Variants in TUSC3 observed in about 807,000 individuals in gnomAD.
TUSC3 encodes the protein dolichyl-diphosphooligosaccharide--protein glycosyltransferase subunit TUSC3.
A neutral mutation model predicts 44.8 loss-of-function variants in TUSC3; 45 were observed. The ratio of observed to expected loss-of-function variants is 1.00; its 90% CI spans 0.79 to 1.29. The LOEUF (loss-of-function observed/expected upper bound fraction) is 1.29, where lower values mean the gene tolerates loss of function less well. Ranked by LOEUF, TUSC3 falls within the 50% of genes most tolerant of loss-of-function variation. TUSC3 has a pLI of 0.00. For missense variants in TUSC3, 519 were observed against 437.9 expected (o/e 1.19, Z -1.65); for synonymous variants, 212 against 152.9 (o/e 1.39, Z -2.85).
intron 2 of TUSC3, among the ~76,000 whole-genome samples, chr8:15,502,847 A>G (rs1042508654): frequency 6.6e-6 from 1 of 152,200 alleles, no homozygotes; most frequent in Non-Finnish European, 1.5e-5. Context: ...GCAGAAGCTC[A>G]TCTTTGAGTG....
intron 1 of TUSC3, among the ~76,000 whole-genome samples, chr8:15,468,147 A>G (rs769935722): frequency 2.0e-5 from 3 of 152,202 alleles, no homozygotes; most frequent in Non-Finnish European, 2.9e-5. Flanking sequence ...ATTGAAGAGT[A>G]TCATATAATT....
In TUSC3 at chr8:15,442,140, AT is replaced by A. The variant is rs901511497; in HGVS notation, n.91+24843del. Among the ~76,000 whole-genome samples, 8 of 151,830 alleles carry A rather than the reference AT, an allele frequency of 5.3e-5. No individual in the cohort carries two copies. The East Asian group carries it at 7.7e-4, about 15-fold the overall frequency. On this transcript the variant is annotated intron_variant and non_coding_transcript_variant, in intron 1 of 5. Transcript: ENST00000503191. The stretch of plus-strand genomic sequence containing the variant: ...GTTTAACTCTTTTATGGATTTAGGG[AT>A]TTTTTTTCTTCATTCTTATTACTTC...
chr8:15,481,002 C>A (rs747308067), intron 1 of TUSC3, among the ~76,000 whole-genome samples: 1 of 152,220 alleles, frequency 6.6e-6, no homozygotes, highest in East Asian at 1.9e-4. Context: ...AATTCCAGCA[C>A]TTTGGGAGGC....
chr8:15,528,706 C>G lies in TUSC3; in HGVS notation n.189+45223C>G, dbSNP rs575181672. On this transcript the variant is annotated intron_variant and non_coding_transcript_variant, in intron 2 of 5. Coordinates refer to the TUSC3 transcript ENST00000503191. The stretch of plus-strand genomic sequence containing the variant: ...ATACTCCCTGCATACTCCTGTGACC[C>G]TCTTGGATTCTTTCTTTAATTTTTT... Among the ~76,000 whole-genome samples, 4 of 152,310 alleles carry G rather than the reference C, an allele frequency of 2.6e-5. No homozygotes were observed. The South Asian group carries it at 8.3e-4, about 32-fold the overall frequency.
At chr8:15,462,684 T>A (rs75523197) in intron 1 of TUSC3, among the ~76,000 whole-genome samples, 3,864 of 152,224 alleles carry the variant, frequency 0.025, 171 homozygotes, top group African/African-American at 0.086. Flanking sequence ...ATTCTTAAAA[T>A]TTAGTCTATT....
chr8:15,719,287 A>G (rs533116370), intron 6 of TUSC3, among the ~76,000 whole-genome samples: 1 of 151,708 alleles, frequency 6.6e-6, no homozygotes, highest in East Asian at 1.9e-4. Flanking sequence ...CATCTCTCTT[A>G]TATGTGCTTC....
chr8:15,825,885 C>CTT, the TUSC3 span, among the ~76,000 whole-genome samples: 3 of 120,388 alleles, frequency 2.5e-5, no homozygotes, highest in East Asian at 2.4e-4. Context: ...ACAGTTGTTT[C>CTT]TTTTTTTTTT....
rs1802486344 is a variant in TUSC3, at chr8:15,561,888, T to A, written c.138+21320T>A. On this transcript the variant is annotated intron_variant, in intron 1 of 10. Coordinates refer to ENST00000503731, the MANE Select transcript of TUSC3 (RefSeq NM_006765.4). ...TGGCGCACGGTGTGCGCACCCACTC[T>A]CCTGCACCCACTGTCTGGCACTCCC... Among the ~76,000 whole-genome samples the A allele has an allele frequency of 4.6e-5, 7 of 152,248 alleles. 1 individual carries two copies. The South Asian group carries it at 8.3e-4, about 18-fold the overall frequency.
At chr8:15,841,104 G>C in the TUSC3 span, among the ~76,000 whole-genome samples, 1 of 152,020 alleles carries the variant, frequency 6.6e-6, no homozygotes, top group African/African-American at 2.4e-5. Flanking sequence ...AATTATCACA[G>C]CCACGTAGCC....
Position 15,688,430 on chromosome 8 carries a change from CT to C in TUSC3, c.798+14611del, listed in dbSNP as rs11383982. ...ATTCAAAAACTAACACTTCAGTATTCTTTTTTTTTTTTTTTTTAACTTTTAG... is the reference window on the plus strand; with the variant it reads ...ATTCAAAAACTAACACTTCAGTATTCTTTTTTTTTTTTTTTTAACTTTTAG... On this transcript the variant is annotated intron_variant, in intron 6 of 10. Transcript: ENST00000503731. Among the ~76,000 whole-genome samples the C allele has an allele frequency of 2.6e-3, 370 of 141,250 alleles. 1 individual carries two copies. Among genetic ancestry groups the C allele is most frequent in the African/African-American group, 5.5e-3 (207 of 37,902 alleles). 92.7% of individuals were successfully genotyped at this position (141,250 alleles called of 152,430 possible).
upstream of TUSC3, among the ~76,000 whole-genome samples, chr8:15,538,778 G>C (rs1354780265): frequency 6.6e-6 from 1 of 151,968 alleles, no homozygotes; most frequent in Non-Finnish European, 1.5e-5. Flanking sequence ...TTCATACTCA[G>C]TAAGTTGTTG....
At chr8:15,576,372 C>T (rs1803115175) in intron 1 of TUSC3, among the ~76,000 whole-genome samples, 1 of 145,678 alleles carries the variant, frequency 6.9e-6, no homozygotes, top group African/African-American at 2.5e-5. Flanking sequence ...AGGTTAGTTA[C>T]ATATGTATAC....
At chr8:15,674,394 A>G (rs1424670547) in intron 6 of TUSC3, among the ~76,000 whole-genome samples, 1 of 152,082 alleles carries the variant, frequency 6.6e-6, no homozygotes, top group Non-Finnish European at 1.5e-5. Context: ...TGAATAGGAA[A>G]TACTGTGATA....
intron 1 of TUSC3, among the ~76,000 whole-genome samples, chr8:15,591,792 G>C (rs1438216863): frequency 6.6e-6 from 1 of 152,158 alleles, no homozygotes; most frequent in East Asian, 1.9e-4. Context: ...GATTGGAGTG[G>C]TAGGCAGAGG....
chr8:15,547,729 C>T (rs983674561), intron 1 of TUSC3, among the ~76,000 whole-genome samples: 1 of 151,278 alleles, frequency 6.6e-6, no homozygotes, highest in East Asian at 2.0e-4. Context: ...TAGATTAGTG[C>T]CCTTATAAAT....
chr8:15,444,166 C>T (rs909516400), intron 1 of TUSC3, among the ~76,000 whole-genome samples: 1 of 152,150 alleles, frequency 6.6e-6, no homozygotes, highest in African/African-American at 2.4e-5. Flanking sequence ...TAAAGTACTC[C>T]AGCTGCAGTA....
rs191330067 is a variant in TUSC3 at position 15,566,481 on chromosome 8, G to T, written c.138+25913G>T. Among the ~76,000 whole-genome samples the T allele has an allele frequency of 5.9e-4, 90 of 152,202 alleles. 1 individual carries two copies. Among genetic ancestry groups the T allele is most frequent in the African/African-American group, 2.1e-3 (88 of 41,532 alleles). Reference sequence around the variant, plus strand: ...TAAAGATTTTTGTCACATGGTAACAGCTGCTAAAGGAAAGAGCTGGACCAC... The same window carrying T: ...TAAAGATTTTTGTCACATGGTAACATCTGCTAAAGGAAAGAGCTGGACCAC... On this transcript the variant is annotated intron_variant, in intron 1 of 10. Coordinates refer to ENST00000503731, the MANE Select transcript of TUSC3 (RefSeq NM_006765.4).
intron 1 of TUSC3, among the ~76,000 whole-genome samples, chr8:15,448,948 T>C (rs1167541323): frequency 6.6e-6 from 1 of 152,242 alleles, no homozygotes; most frequent in African/African-American, 2.4e-5. Context: ...TTAATAAATT[T>C]AGCATAGACT....
At chr8:15,767,618 G>C (rs1441759184), downstream of TUSC3, among the ~76,000 whole-genome samples, 1 of 152,142 alleles carries the variant, frequency 6.6e-6, no homozygotes, top group Non-Finnish European at 1.5e-5. Flanking sequence ...GAATGGTCTT[G>C]AAGACTGCAG....
Sources: allele counts gnomAD v4.1 joint callset (sites outside exome capture counted in the v4.1 genomes callset), GRCh38; gene constraint gnomAD v4.1.1; transcripts MANE v1.5; gene names NCBI Gene and HGNC (gene_info 2026-07-23, HGNC 2026-07-21).